The following AFF3 variants were observed in gnomAD, a reference collection of about 807,000 sequenced individuals.
The protein encoded by AFF3 is AF4/FMR2 family member 3.
AFF3 carries 32 observed loss-of-function variants against 129.7 expected under a neutral mutation model. That is an observed-to-expected ratio of 0.25 (90% CI 0.19 to 0.33). The LOEUF (loss-of-function observed/expected upper bound fraction) is 0.33, where lower values mean the gene tolerates loss of function less well. Ranked by LOEUF, AFF3 falls within the 10% of genes least tolerant of loss-of-function variation. AFF3 has a pLI of 1.00. For synonymous variants in AFF3, 644 were observed against 635.4 expected, an observed-to-expected ratio of 1.01 and a Z score of -0.20; for missense variants, 1,373 against 1,592.0, an observed-to-expected ratio of 0.86 and a Z score of 2.34.
chr2:99,944,404 T>C (rs1018401100), intron 7 of AFF3, among the ~76,000 whole-genome samples: 1 of 152,184 alleles, frequency 6.6e-6, no homozygotes, highest in Non-Finnish European at 1.5e-5. Flanking sequence ...ACTGTGGGTG[T>C]TTTTCACTGT....
intron 18 of AFF3, among the ~76,000 whole-genome samples, chr2:99,574,303 G>A (rs1676781901): frequency 6.6e-6 from 1 of 152,142 alleles, no homozygotes; most frequent in Admixed American, 6.6e-5. Flanking sequence ...CCACCAATAT[G>A]AGCCCACAAC....
rs892815899 is a variant in AFF3 at position 99,637,522 on chromosome 2, G to C, written c.1184+12104C>G. ...CTCAATGAGAATGGGGACGACATAT[G>C]CAAAATTAAAAAGGGGGGACTACCA... On this transcript the variant is annotated intron_variant, in intron 13 of 24. Transcript: ENST00000672756. 2.0e-5 allele frequency among the ~76,000 whole-genome samples: 3 copies of C among 152,138 alleles called. No individual in the cohort carries two copies. The East Asian group carries it at 5.8e-4, about 29-fold the overall frequency.
At chr2:100,012,700 G>A (rs1399116062) in intron 4 of AFF3, among the ~76,000 whole-genome samples, 1 of 152,182 alleles carries the variant, frequency 6.6e-6, no homozygotes, top group Non-Finnish European at 1.5e-5. Flanking sequence ...TGAAGATCAT[G>A]CTTTAAAAGC....
intron 1 of AFF3, among the ~76,000 whole-genome samples, chr2:100,130,353 T>C (rs529806667): frequency 5.3e-5 from 8 of 152,290 alleles, no homozygotes; most frequent in Non-Finnish European, 1.2e-4. Context: ...CCAGACCAGA[T>C]ACTCACCTCA....
chr2:99,883,049 T>C (rs1255252360), intron 7 of AFF3, among the ~76,000 whole-genome samples: 2 of 152,208 alleles, frequency 1.3e-5, no homozygotes, highest in Non-Finnish European at 2.9e-5. Context: ...TAAAGTGGAA[T>C]TGAAGCTTCA....
intron 2 of AFF3, 125 bp from the exon 3 acceptor site, chr2:100,105,708 G>C: frequency 2.2e-6 from 3 of 1,359,688 alleles, no homozygotes; most frequent in Non-Finnish European, 2.9e-6. Context: ...GTCTCCATCA[G>C]GGCCCTACCT....
At chr2:100,128,113 T>C (rs1692276136) in intron 2 of AFF3, among the ~76,000 whole-genome samples, 1 of 150,968 alleles carries the variant, frequency 6.6e-6, no homozygotes. Context: ...CATCTAAAAA[T>C]GGGAGGCACG....
intron 3 of AFF3, chr2:100,105,113 C>A (rs1691176634): frequency 1.8e-5 from 3 of 166,218 alleles, no homozygotes; most frequent in South Asian, 3.9e-4. Context: ...CGGGGGGATG[C>A]GGAGCCGTGC....
intron 8 of AFF3, among the ~76,000 whole-genome samples, chr2:99,810,365 G>A (rs1012615050): frequency 1.1e-4 from 17 of 152,186 alleles, no homozygotes; most frequent in Admixed American, 4.6e-4. Context: ...CCCCATCTGA[G>A]AGATAATTAC....
chr2:99,912,027 C>G (rs566607561), intron 7 of AFF3, among the ~76,000 whole-genome samples: 2 of 152,228 alleles, frequency 1.3e-5, no homozygotes, highest in South Asian at 4.2e-4. Context: ...GCTCACCAAG[C>G]CTCTGAAACA....
rs773767797 is a variant in AFF3 at position 100,008,830 on chromosome 2, G to A, written c.156C>T (p.Leu52=). 1 of 1,614,076 alleles carries A rather than the reference G, an allele frequency of 6.2e-7. No homozygotes were observed. The highest frequency in any genetic ancestry group is 8.5e-7 in the Non-Finnish European group (1 of 1,179,950). ...DDGTFNSSYS[L]FSEPYKTNKG... ...CATCTACCTTGTAGGGCTCACTGAA[G>A]AGAGAGTAACTAGAATTAAACGTGC... The change falls in exon 5 of 25, where the codon CTC becomes CTT. Residue 52 remains leucine (L), a synonymous_variant. Transcript: ENST00000672756.
intron 7 of AFF3, among the ~76,000 whole-genome samples, chr2:99,918,434 T>G (rs1372534687): frequency 6.6e-6 from 1 of 152,196 alleles, no homozygotes; most frequent in African/African-American, 2.4e-5. Context: ...TTCCTAGTTC[T>G]GCAGCACTCC....
intron 4 of AFF3, among the ~76,000 whole-genome samples, chr2:100,044,832 G>C (rs2105082966): frequency 6.6e-6 from 1 of 152,052 alleles, no homozygotes; most frequent in South Asian, 2.1e-4. Flanking sequence ...AAACATGGGG[G>C]ATGTCTGATG....
At chr2:99,800,494 CAGTTT>C (rs2105502526) in intron 8 of AFF3, among the ~76,000 whole-genome samples, 1 of 152,274 alleles carries the variant, frequency 6.6e-6, no homozygotes, top group Non-Finnish European at 1.5e-5. Context: ...CTTTGGAGAA[CAGTTT>C]AGTGGGTTTT....
chr2:100,105,566 G>C lies in AFF3; in HGVS notation c.-127C>G. 7.5e-7 allele frequency: 1 copy of C among 1,332,748 alleles called. No individual in the cohort carries two copies. The highest frequency in any genetic ancestry group is 9.9e-7 in the Non-Finnish European group (1 of 1,005,390). 82.6% of individuals were successfully genotyped at this position (1,332,748 alleles called of 1,614,324 possible). A position where few individuals can be genotyped will look rare whatever the true frequency, so the allele number is the denominator to read the frequency against. On this transcript the variant is annotated 5_prime_UTR_variant, in exon 3 of 25. Coordinates refer to ENST00000672756, the MANE Select transcript of AFF3 (RefSeq NM_001386135.1). ...CAAACTTGCCGCCCGTCTCCGGTCT[G>C]GAAAGGCAGGTGATCAGCTAGAAGG...
rs1691220981 is a variant in AFF3 at position 100,105,509 on chromosome 2, AG to A, written c.-71del. ...CCTTTCTTTTTATTTCTCACCGGGA[AG>A]GGGGACAAACTGGCCTCTGGGTGTC... On this transcript the variant is annotated 5_prime_UTR_variant, in exon 3 of 25. Transcript: ENST00000672756. The A allele has an allele frequency of 7.5e-7, 1 of 1,330,132 alleles. No individual in the cohort carries two copies. The highest frequency in any genetic ancestry group is 1.5e-5 in the African/African-American group (1 of 66,690). 82.4% of individuals were successfully genotyped at this position (1,330,132 alleles called of 1,614,324 possible).
intron 7 of AFF3, among the ~76,000 whole-genome samples, chr2:99,953,189 G>A (rs951879241): frequency 6.6e-6 from 1 of 152,158 alleles, no homozygotes; most frequent in African/African-American, 2.4e-5. Flanking sequence ...ACATTCACAA[G>A]CTGTGCAATT....
intron 7 of AFF3, 27 bp downstream of exon 7, chr2:100,006,605 A>C: frequency 6.3e-7 from 1 of 1,578,028 alleles, no homozygotes; most frequent in Non-Finnish European, 8.6e-7. Flanking sequence ...ATGCAGTTGC[A>C]TGTGAACGGT....
At chr2:99,783,978 T>C (rs1410190045) in intron 8 of AFF3, among the ~76,000 whole-genome samples, 1 of 152,230 alleles carries the variant, frequency 6.6e-6, no homozygotes, top group Admixed American at 6.5e-5. Context: ...TGAAGCTGCA[T>C]TAACTCTCTT....
Sources: gnomAD v4.1 joint callset for allele counts (sites outside exome capture counted in the v4.1 genomes callset) on GRCh38, gnomAD v4.1.1 for gene constraint, MANE v1.5 for transcripts, NCBI Gene and HGNC (gene_info 2026-07-23, HGNC 2026-07-21) for gene names.